Variants in ARK2N observed in about 807,000 individuals in gnomAD.
The protein encoded by ARK2N is protein ARK2N.
chr18:46,259,962 C>G, the ARK2N span, among the ~76,000 whole-genome samples: 19,425 of 126,260 alleles, frequency 0.15, 2,289 homozygotes, highest in East Asian at 0.39. Flanking sequence ...CTCAAGTGAT[C>G]CTCCCGTCTC....
chr18:46,229,125 T>G, the ARK2N span, among the ~76,000 whole-genome samples: 3 of 152,124 alleles, frequency 2.0e-5, no homozygotes, highest in Non-Finnish European at 4.4e-5. Context: ...AGGAGTAATT[T>G]ATAACAGAAT....
At chr18:46,205,657 T>C in the ARK2N span, among the ~76,000 whole-genome samples, 6 of 152,210 alleles carry the variant, frequency 3.9e-5, no homozygotes, top group Non-Finnish European at 7.3e-5. Context: ...CCATCATCTG[T>C]CCTTATACCA....
the ARK2N span, among the ~76,000 whole-genome samples, chr18:46,187,985 T>C: frequency 6.6e-6 from 1 of 152,188 alleles, no homozygotes; most frequent in African/African-American, 2.4e-5. Context: ...TCCCTCCTTG[T>C]ATGGCATAGT....
the ARK2N span, among the ~76,000 whole-genome samples, chr18:46,233,367 G>GT: frequency 2.0e-5 from 3 of 152,054 alleles, no homozygotes; most frequent in Non-Finnish European, 2.9e-5. Flanking sequence ...AGATATTTTA[G>GT]TTTTTTTATC....
chr18:46,229,555 AG>A, the ARK2N span, among the ~76,000 whole-genome samples: 1 of 151,892 alleles, frequency 6.6e-6, no homozygotes, highest in Non-Finnish European at 1.5e-5. Context: ...CACTGTAGCC[AG>A]GATGGTCTCG....
chr18:46,179,975 CTA>C, the ARK2N span, among the ~76,000 whole-genome samples: 1 of 152,056 alleles, frequency 6.6e-6, no homozygotes, highest in Non-Finnish European at 1.5e-5. Flanking sequence ...ACTATGTGAT[CTA>C]TGTGTTATAC....
the ARK2N span, among the ~76,000 whole-genome samples, chr18:46,249,714 C>T: frequency 1.3e-5 from 2 of 152,220 alleles, no homozygotes; most frequent in Non-Finnish European, 2.9e-5. Flanking sequence ...TGTATATACA[C>T]ATACATACAA....
chr18:46,228,849 G>A, the ARK2N span: 1 of 398,538 alleles, frequency 2.5e-6, no homozygotes, highest in Non-Finnish European at 4.4e-6. Flanking sequence ...GAGATTCTGT[G>A]GGATTCGCAC....
At chr18:46,177,431 C>CTTTTTTTTTTTTTTT in the ARK2N span, among the ~76,000 whole-genome samples, 1 of 89,328 alleles carries the variant, frequency 1.1e-5, no homozygotes, top group Non-Finnish European at 2.3e-5. Context: ...TTTTTCTTTA[C>CTTTTTTTTTTTTTTT]TTTTTTTTTT....
the ARK2N span, chr18:46,253,737 T>A: frequency 1.2e-5 from 11 of 883,062 alleles, no homozygotes; most frequent in African/African-American, 2.7e-4. Flanking sequence ...ACAAAACATC[T>A]GCTGGCAATG....
At chr18:46,207,920 A>G in the ARK2N span, among the ~76,000 whole-genome samples, 1 of 152,108 alleles carries the variant, frequency 6.6e-6, no homozygotes, top group Non-Finnish European at 1.5e-5. Flanking sequence ...AGTGCTCTGT[A>G]CTTTCTTGAT....
chr18:46,223,331 A>T, the ARK2N span, among the ~76,000 whole-genome samples: 1 of 152,234 alleles, frequency 6.6e-6, no homozygotes, highest in Non-Finnish European at 1.5e-5. Context: ...TGAAAACAGC[A>T]TAGGGGATGG....
At chr18:46,180,712 A>C in the ARK2N span, among the ~76,000 whole-genome samples, 6 of 152,134 alleles carry the variant, frequency 3.9e-5, no homozygotes, top group African/African-American at 1.2e-4. Flanking sequence ...TCAAAAAAAA[A>C]AACAACAATA....
At chr18:46,187,637 G>A in the ARK2N span, among the ~76,000 whole-genome samples, 6 of 152,126 alleles carry the variant, frequency 3.9e-5, no homozygotes, top group South Asian at 6.2e-4. Context: ...CACTGTGCCC[G>A]GCCAATAACT....
At chr18:46,238,357 A>G in the ARK2N span, among the ~76,000 whole-genome samples, 2 of 152,350 alleles carry the variant, frequency 1.3e-5, no homozygotes, top group East Asian at 1.9e-4. Flanking sequence ...TCTGTATCCA[A>G]GTATTTGGAC....
chr18:46,253,479 ATGT>A, the ARK2N span, among the ~76,000 whole-genome samples: 1 of 152,228 alleles, frequency 6.6e-6, no homozygotes, highest in Non-Finnish European at 1.5e-5. Context: ...ATGTACTGCC[ATGT>A]TGTTTGAATA....
At chr18:46,182,074 TTG>T in the ARK2N span, among the ~76,000 whole-genome samples, 4 of 152,152 alleles carry the variant, frequency 2.6e-5, no homozygotes, top group African/African-American at 9.7e-5. Flanking sequence ...GAGAAAGGTA[TTG>T]TCGGGGATAG....
the ARK2N span, among the ~76,000 whole-genome samples, chr18:46,181,221 T>C: frequency 6.6e-6 from 1 of 151,904 alleles, no homozygotes; most frequent in East Asian, 1.9e-4. Flanking sequence ...GATCATGCCA[T>C]TGCACTCCAG....
the ARK2N span, among the ~76,000 whole-genome samples, chr18:46,255,029 A>G: frequency 5.9e-5 from 9 of 152,066 alleles, no homozygotes; most frequent in African/African-American, 2.2e-4. Context: ...TAGTGTATTC[A>G]TTACTTGGCT....
Sources: gnomAD v4.1 joint callset for allele counts (sites outside exome capture counted in the v4.1 genomes callset) on GRCh38, gnomAD v4.1.1 for gene constraint, MANE v1.5 for transcripts, NCBI Gene and HGNC (gene_info 2026-07-23, HGNC 2026-07-21) for gene names.